Variants in CSMD1 observed in about 807,000 individuals in gnomAD.
CSMD1 encodes the protein CUB and sushi domain-containing protein 1.
CSMD1 carries 213 observed loss-of-function variants against 417.5 expected under a neutral mutation model. The ratio of observed to expected loss-of-function variants is 0.51; its 90% CI spans 0.46 to 0.57. The LOEUF is 0.57. Among genes scored for constraint, CSMD1 ranks in the 20% least tolerant of loss-of-function variants. The probability of loss-of-function intolerance (pLI) is 0.00; values close to 1 mark genes in which losing one functional copy is unlikely to be tolerated. For missense variants in CSMD1, 6,923 were observed against 4,529.7 expected, an observed-to-expected ratio of 1.53 and a Z score of -15.17; for synonymous variants, 2,862 against 1,736.8, an observed-to-expected ratio of 1.65 and a Z score of -16.11.
intron 47 of CSMD1, among the ~76,000 whole-genome samples, chr8:3,096,524 C>T (rs2129010736): frequency 6.6e-6 from 1 of 152,274 alleles, no homozygotes; most frequent in Non-Finnish European, 1.5e-5. Flanking sequence ...CTTGCTCCTC[C>T]TTGCCTTCCT....
intron 5 of CSMD1, among the ~76,000 whole-genome samples, chr8:3,948,523 T>C (rs1465346325): frequency 6.6e-6 from 1 of 152,112 alleles, no homozygotes; most frequent in African/African-American, 2.4e-5. Flanking sequence ...ATATTTTCTT[T>C]ATTTTATATA....
chr8:3,732,325 T>C (rs1796315814), intron 6 of CSMD1, among the ~76,000 whole-genome samples: 1 of 152,224 alleles, frequency 6.6e-6, no homozygotes, highest in Non-Finnish European at 1.5e-5. Flanking sequence ...TCAAGTCATT[T>C]AACCTGTGTG....
At chr8:3,398,793 T>C (rs1290467477) in intron 16 of CSMD1, among the ~76,000 whole-genome samples, 1 of 152,212 alleles carries the variant, frequency 6.6e-6, no homozygotes, top group East Asian at 1.9e-4. Context: ...AGAACTCCAA[T>C]AGCCTGCTTA....
rs371307375 is a variant in CSMD1, at chr8:4,169,846, C to G, written c.416-137747G>C. Among the ~76,000 whole-genome samples the G allele has an allele frequency of 2.6e-5, 4 of 152,122 alleles. No individual in the cohort carries two copies. The East Asian group carries it at 5.8e-4, about 22-fold the overall frequency. Reference sequence around the variant, plus strand: ...TGCCCTTCCTGAATTATTTCCATAGCATGCGTCATCATTTAGGATACTGTG... The same window carrying G: ...TGCCCTTCCTGAATTATTTCCATAGGATGCGTCATCATTTAGGATACTGTG... On this transcript the variant is annotated intron_variant, in intron 3 of 69. Coordinates refer to ENST00000635120, the MANE Select transcript of CSMD1 (RefSeq NM_033225.6).
Position 4,223,022 on chromosome 8 carries a change from TAAG to T in CSMD1, c.416-190926_416-190924del, listed in dbSNP as rs1231843756. On this transcript the variant is annotated intron_variant, in intron 3 of 69. Transcript: ENST00000635120. ...AAATAAATAGACAAAAACATAATAA[TAAG>T]AAGAACTGACAACAGGCTTCCTACA... Among the ~76,000 whole-genome samples the T allele has an allele frequency of 2.0e-4, 31 of 152,074 alleles. 1 individual carries two copies. The South Asian group carries it at 2.1e-3, about 10-fold the overall frequency.
chr8:4,802,352 C>CGCGT (rs1554486872), intron 1 of CSMD1, among the ~76,000 whole-genome samples: 8 of 146,312 alleles, frequency 5.5e-5, no homozygotes, highest in South Asian at 2.2e-4. Context: ...TGTGTGCGCG[C>CGCGT]GTGTGTGTGT....
chr8:4,221,805 C>T (rs543548215), intron 3 of CSMD1, among the ~76,000 whole-genome samples: 53 of 152,266 alleles, frequency 3.5e-4, no homozygotes, highest in African/African-American at 1.3e-3. Flanking sequence ...ACCTCCAAAT[C>T]TCCTTTTCCT....
intron 42 of CSMD1, among the ~76,000 whole-genome samples, chr8:3,114,634 G>A (rs986041432): frequency 1.5e-4 from 23 of 151,856 alleles, no homozygotes; most frequent in Admixed American, 5.9e-4. Flanking sequence ...GGAAATTGCC[G>A]GTTGGTAATG....
At chr8:3,979,039 C>A (rs1446703583) in intron 5 of CSMD1, among the ~76,000 whole-genome samples, 1 of 152,206 alleles carries the variant, frequency 6.6e-6, no homozygotes, top group Non-Finnish European at 1.5e-5. Context: ...AACACCTGGA[C>A]CACAAGAAGT....
intron 18 of CSMD1, among the ~76,000 whole-genome samples, chr8:3,384,264 T>A (rs1005663647): frequency 7.2e-5 from 11 of 152,284 alleles, no homozygotes; most frequent in African/African-American, 2.6e-4. Context: ...AAGTTTTGAA[T>A]CTTTATATCT....
intron 3 of CSMD1, among the ~76,000 whole-genome samples, chr8:4,337,194 A>C (rs1800222358): frequency 6.6e-6 from 1 of 152,112 alleles, no homozygotes; most frequent in Non-Finnish European, 1.5e-5. Context: ...GTGTTATCTC[A>C]AAAGGGGAGA....
chr8:3,060,291 G>A (rs916207143), intron 49 of CSMD1, among the ~76,000 whole-genome samples: 8 of 151,802 alleles, frequency 5.3e-5, no homozygotes, highest in South Asian at 2.1e-4. Flanking sequence ...GATTACAGGC[G>A]TGCACCACTG....
intron 1 of CSMD1, among the ~76,000 whole-genome samples, chr8:4,926,539 C>T (rs1181678654): frequency 6.6e-6 from 1 of 152,046 alleles, no homozygotes; most frequent in Non-Finnish European, 1.5e-5. Flanking sequence ...AATTAACCTC[C>T]TTATTTAGGT....
chr8:4,261,530 A>T (rs578058595), intron 3 of CSMD1, among the ~76,000 whole-genome samples: 2 of 152,274 alleles, frequency 1.3e-5, no homozygotes, highest in East Asian at 3.9e-4. Context: ...TATATACTTG[A>T]AATTTGCTAA....
chr8:3,284,006 G>T, intron 26 of CSMD1, 138 bp downstream of exon 26: 1 of 765,064 alleles, frequency 1.3e-6, no homozygotes, highest in South Asian at 1.7e-5. Flanking sequence ...TCTGCAACAT[G>T]CATTTTCCTA....
chr8:3,020,069 G>A (rs773016084), intron 51 of CSMD1, among the ~76,000 whole-genome samples: 11 of 152,176 alleles, frequency 7.2e-5, no homozygotes, highest in Non-Finnish European at 1.0e-4. Context: ...GGAAGAACAC[G>A]GATTCTGGCT....
intron 1 of CSMD1, among the ~76,000 whole-genome samples, chr8:4,930,085 T>A (rs1449904200): frequency 1.3e-5 from 2 of 152,194 alleles, no homozygotes; most frequent in Non-Finnish European, 2.9e-5. Flanking sequence ...AGAGCTTGTT[T>A]CTCGCCCTAG....
chr8:4,348,522 T>G (rs1309853635), intron 3 of CSMD1, among the ~76,000 whole-genome samples: 1 of 151,644 alleles, frequency 6.6e-6, no homozygotes, highest in Non-Finnish European at 1.5e-5. Context: ...CTGCAAAGAT[T>G]TTGAGAGTTG....
At chr8:3,069,554 T>C (rs1813186067) in intron 49 of CSMD1, among the ~76,000 whole-genome samples, 1 of 152,180 alleles carries the variant, frequency 6.6e-6, no homozygotes, top group African/African-American at 2.4e-5. Flanking sequence ...CTGTCTTACA[T>C]CCAGGGCACA....
Sources: gnomAD v4.1 joint callset for allele counts (sites outside exome capture counted in the v4.1 genomes callset) on GRCh38, gnomAD v4.1.1 for gene constraint, MANE v1.5 for transcripts, NCBI Gene and HGNC (gene_info 2026-07-23, HGNC 2026-07-21) for gene names.